The following AKAP19 variants were observed in gnomAD, a reference collection of about 807,000 sequenced individuals.
The protein encoded by AKAP19 is A-kinase anchoring protein 19.
the AKAP19 span, among the ~76,000 whole-genome samples, chr2:190,034,180 A>G: frequency 1.3e-5 from 2 of 152,070 alleles, no homozygotes; most frequent in South Asian, 4.1e-4. Flanking sequence ...TATCAAGTCA[A>G]TTACTAAATA....
the AKAP19 span, among the ~76,000 whole-genome samples, chr2:190,092,600 A>C: frequency 8.5e-5 from 13 of 152,258 alleles, no homozygotes; most frequent in Non-Finnish European, 1.5e-4. Context: ...TGTCCACCTC[A>C]GAACAATATG....
chr2:189,891,596 G>C, the AKAP19 span, among the ~76,000 whole-genome samples: 1 of 152,122 alleles, frequency 6.6e-6, no homozygotes, highest in Non-Finnish European at 1.5e-5. Flanking sequence ...TCTGCAGAGA[G>C]ATCTGCTGTT....
chr2:190,189,556 T>G, the AKAP19 span, among the ~76,000 whole-genome samples: 428 of 152,296 alleles, frequency 2.8e-3, 2 homozygotes, highest in African/African-American at 9.2e-3. Context: ...ACATAAATAT[T>G]TTAATATCTA....
At chr2:189,894,383 TC>T in the AKAP19 span, among the ~76,000 whole-genome samples, 7 of 152,170 alleles carry the variant, frequency 4.6e-5, no homozygotes, top group Non-Finnish European at 7.4e-5. Flanking sequence ...TGTTTTTCTA[TC>T]TTACCTATTT....
At chr2:190,066,288 T>C in the AKAP19 span, among the ~76,000 whole-genome samples, 1 of 152,112 alleles carries the variant, frequency 6.6e-6, no homozygotes, top group Non-Finnish European at 1.5e-5. Context: ...CAAAACAATG[T>C]TGAGGGTATA....
chr2:189,957,879 C>T, the AKAP19 span, among the ~76,000 whole-genome samples: 5 of 152,144 alleles, frequency 3.3e-5, no homozygotes, highest in Middle Eastern at 3.2e-3. Context: ...CTGCAACCTC[C>T]GCCTCCCAGG....
chr2:189,997,544 G>A, the AKAP19 span, among the ~76,000 whole-genome samples: 1 of 152,142 alleles, frequency 6.6e-6, no homozygotes, highest in Non-Finnish European at 1.5e-5. Context: ...CACTAGGGAA[G>A]TGGAGGAAAG....
chr2:190,191,784 T>C, the AKAP19 span, among the ~76,000 whole-genome samples: 13,969 of 152,264 alleles, frequency 0.092, 1,652 homozygotes, highest in African/African-American at 0.27. Context: ...ACTGCCTAAA[T>C]CTTTCAAATC....
the AKAP19 span, among the ~76,000 whole-genome samples, chr2:190,139,030 C>T: frequency 7.9e-5 from 12 of 151,946 alleles, no homozygotes; most frequent in Admixed American, 3.3e-4. Flanking sequence ...GTGCTAGGCA[C>T]TTTTTAAAGT....
chr2:190,113,792 C>T, the AKAP19 span, among the ~76,000 whole-genome samples: 2 of 152,088 alleles, frequency 1.3e-5, no homozygotes, highest in Admixed American at 6.6e-5. Flanking sequence ...CTTGAAGCAC[C>T]CATAAATTGG....
the AKAP19 span, among the ~76,000 whole-genome samples, chr2:189,999,102 G>A: frequency 6.6e-6 from 1 of 151,180 alleles, no homozygotes; most frequent in Non-Finnish European, 1.5e-5. Flanking sequence ...TCTCTTCTAA[G>A]CATTATTATG....
the AKAP19 span, among the ~76,000 whole-genome samples, chr2:189,963,211 T>TTTTTTTTTTTTTA: frequency 1.3e-5 from 2 of 150,736 alleles, no homozygotes; most frequent in African/African-American, 4.9e-5. Context: ...TTTTTTTTTT[T>TTTTTTTTTTTTTA]GAGATGGAGT....
the AKAP19 span, among the ~76,000 whole-genome samples, chr2:189,956,876 C>T: frequency 6.6e-6 from 1 of 152,200 alleles, no homozygotes; most frequent in East Asian, 1.9e-4. Context: ...AGCTACCTCA[C>T]CTGGCCAGTG....
At chr2:190,112,329 A>G in the AKAP19 span, among the ~76,000 whole-genome samples, 1 of 152,278 alleles carries the variant, frequency 6.6e-6, no homozygotes. Context: ...TAATTGTCAG[A>G]AAGAGGAACA....
the AKAP19 span, among the ~76,000 whole-genome samples, chr2:189,936,875 AGCACT>A: frequency 6.6e-6 from 1 of 152,334 alleles, no homozygotes; most frequent in South Asian, 2.1e-4. Flanking sequence ...CTGTAATCCC[AGCACT>A]TTGGGAGGCT....
At chr2:189,947,272 C>T in the AKAP19 span, among the ~76,000 whole-genome samples, 5 of 152,130 alleles carry the variant, frequency 3.3e-5, no homozygotes, top group Non-Finnish European at 7.4e-5. Flanking sequence ...ATTCCATTTG[C>T]ACATAAAAGA....
the AKAP19 span, among the ~76,000 whole-genome samples, chr2:190,109,867 C>T: frequency 2.6e-5 from 4 of 152,146 alleles, no homozygotes; most frequent in African/African-American, 7.2e-5. Context: ...CTTAGATATC[C>T]ATGGTGCTAC....
At chr2:190,038,667 C>A in the AKAP19 span, among the ~76,000 whole-genome samples, 1 of 152,084 alleles carries the variant, frequency 6.6e-6, no homozygotes, top group Non-Finnish European at 1.5e-5. Flanking sequence ...TTCTCCAACC[C>A]AGGAAAAAAA....
chr2:189,881,851 T>C, the AKAP19 span, among the ~76,000 whole-genome samples: 4 of 152,228 alleles, frequency 2.6e-5, no homozygotes, highest in Non-Finnish European at 5.9e-5. Context: ...TTTTGAAACA[T>C]AATTTTTCTC....
Sources: allele counts gnomAD v4.1 joint callset (sites outside exome capture counted in the v4.1 genomes callset), GRCh38; gene constraint gnomAD v4.1.1; transcripts MANE v1.5; gene names NCBI Gene and HGNC (gene_info 2026-07-23, HGNC 2026-07-21).